RTL9: variants seen among roughly 807,000 people sequenced by gnomAD.
The protein encoded by RTL9 is retrotransposon Gag-like protein 9.
A neutral mutation model predicts 44.7 loss-of-function variants in RTL9; 19 were observed. The observed-to-expected ratio is 0.42, with a 90% confidence interval of 0.30 to 0.62. The LOEUF (loss-of-function observed/expected upper bound fraction) is 0.62, where lower values mean the gene tolerates loss of function less well. Among genes scored for constraint, RTL9 ranks in the 20% least tolerant of loss-of-function variants. The pLI is 0.16. For synonymous variants in RTL9, 407 were observed against 398.9 expected (o/e 1.02, Z -0.24); for missense variants, 1,105 against 1,080.6 (o/e 1.02, Z -0.32).
chrX:110,421,267 G>A (rs1000169722), intron 1 of RTL9, among the ~76,000 whole-genome samples: 8 of 112,688 alleles, frequency 7.1e-5, no homozygotes, highest in Non-Finnish European at 1.1e-4. Flanking sequence ...AGGCACAGCA[G>A]TCTGAAGGTG....
chrX:110,404,467 G>A (rs1175376979), intron 1 of RTL9, among the ~76,000 whole-genome samples: 1 of 111,917 alleles, frequency 8.9e-6, no homozygotes, highest in Non-Finnish European at 1.9e-5. Context: ...CAAACTCCAG[G>A]GGCATGAACA....
intron 1 of RTL9, among the ~76,000 whole-genome samples, chrX:110,432,248 C>A (rs1212954478): frequency 8.9e-6 from 1 of 112,350 alleles, no homozygotes; most frequent in Non-Finnish European, 1.9e-5. Context: ...AGCTCTCTTC[C>A]ATTTCATCTC....
chrX:110,451,901 A>G lies in RTL9; in HGVS notation c.1284A>G (p.Gln428=). ...CCTCTGGAAATATGTCTACATTGCA[A>G]AAGACAGTTCCAGCCTCTGGAGCCA... Residue 428 remains glutamine (Q), a synonymous_variant, in exon 1 of 2, where the codon CAA becomes CAG. Coordinates refer to ENST00000540313, the Ensembl canonical transcript of RTL9. 2.5e-6 allele frequency: 3 copies of G among 1,211,796 alleles called. No individual in the cohort carries two copies.
At chrX:110,418,773 C>A (rs148349527), upstream of RTL9, among the ~76,000 whole-genome samples, 1 of 111,708 alleles carries the variant, frequency 9.0e-6, no homozygotes, top group Admixed American at 9.5e-5. Flanking sequence ...CACTTATTCT[C>A]ATTTCCTGGC....
intron 1 of RTL9, among the ~76,000 whole-genome samples, chrX:110,409,646 G>GT (rs113947141): frequency 0.12 from 12,378 of 101,061 alleles, 1,922 homozygotes; most frequent in African/African-American, 0.41. Flanking sequence ...TGCTGCTGCT[G>GT]TTTTTTTTTT....
chrX:110,366,704 A>G (rs2068299510), intron 1 of RTL9, among the ~76,000 whole-genome samples: 1 of 111,398 alleles, frequency 9.0e-6, no homozygotes, highest in Admixed American at 9.5e-5. Context: ...CAGACATCCA[A>G]TCGTTGTTAA....
chrX:110,438,127 G>C (rs1183392894), intron 1 of RTL9, among the ~76,000 whole-genome samples: 1 of 111,044 alleles, frequency 9.0e-6, no homozygotes, highest in African/African-American at 3.3e-5. Context: ...CCTGTTCTGA[G>C]GCTCATGTTT....
At chrX:110,418,646 A>G (rs1392066580), upstream of RTL9, among the ~76,000 whole-genome samples, 1 of 111,636 alleles carries the variant, frequency 9.0e-6, no homozygotes, top group Non-Finnish European at 1.9e-5. Context: ...GTCTCCAACC[A>G]TGTCTTGACC....
chrX:110,450,755 A>G, exon 1 of RTL9: 2 of 1,211,830 alleles, frequency 1.7e-6, no homozygotes, highest in Non-Finnish European at 2.2e-6. Flanking sequence ...ATTCTCATGT[A>G]CAGTTGCCTA....
At position 110,420,149 on chromosome X, in the gene RTL9, C is replaced by A. The variant is rs6642436; in HGVS notation, c.-168+1014C>A. On this transcript the variant is annotated intron_variant, in intron 1 of 3. Coordinates refer to the RTL9 transcript ENST00000465301. ...TTACCCTACACCTCCCACGCCACCC[C>A]CAGGCACGATTCTACTACAGCACTG... Among the ~76,000 whole-genome samples, 6 of 111,695 alleles carry A rather than the reference C, an allele frequency of 5.4e-5. No individual in the cohort carries two copies. In the East Asian group the frequency reaches 1.7e-3, roughly 32 times the overall value.
chrX:110,367,465 C>A (rs183507233), intron 1 of RTL9, among the ~76,000 whole-genome samples: 51 of 111,323 alleles, frequency 4.6e-4, no homozygotes, highest in African/African-American at 1.6e-3. Flanking sequence ...CGCCCAACAG[C>A]GGCATTTGAC....
At chrX:110,434,016 G>A (rs1392322792) in intron 1 of RTL9, among the ~76,000 whole-genome samples, 1 of 111,474 alleles carries the variant, frequency 9.0e-6, no homozygotes, top group African/African-American at 3.3e-5. Context: ...GTAGAGGAAC[G>A]TATCTGGGGA....
chrX:110,433,894 C>T (rs1174993617), intron 1 of RTL9, among the ~76,000 whole-genome samples: 1 of 111,916 alleles, frequency 8.9e-6, no homozygotes, highest in Non-Finnish European at 1.9e-5. Context: ...CTTGTGGGTA[C>T]TGAGAATATA....
chrX:110,415,498 T>C (rs2068670881), upstream of RTL9, among the ~76,000 whole-genome samples: 1 of 111,245 alleles, frequency 9.0e-6, no homozygotes, highest in Admixed American at 9.6e-5. Context: ...ATTGTAGAAA[T>C]GGAATTTGGG....
intron 1 of RTL9, among the ~76,000 whole-genome samples, chrX:110,435,243 G>A (rs965871989): frequency 1.8e-5 from 2 of 111,433 alleles, no homozygotes; most frequent in Admixed American, 9.4e-5. Flanking sequence ...AGCAAGGACA[G>A]GACAGTCACT....
exon 1 of RTL9, chrX:110,453,824 G>A: frequency 8.3e-7 from 1 of 1,211,650 alleles, no homozygotes; most frequent in Non-Finnish European, 1.1e-6. Context: ...CTAGAGGGAT[G>A]TCCACACCAC....
chrX:110,417,159 C>A (rs750219584), upstream of RTL9, among the ~76,000 whole-genome samples: 2 of 112,218 alleles, frequency 1.8e-5, no homozygotes, highest in South Asian at 7.5e-4. Flanking sequence ...TCTATCCTTA[C>A]CCACTCTGAA....
At chrX:110,428,308 A>G (rs1429127199) in intron 1 of RTL9, among the ~76,000 whole-genome samples, 1 of 111,921 alleles carries the variant, frequency 8.9e-6, no homozygotes, top group African/African-American at 3.3e-5. Flanking sequence ...ACACAGGGCT[A>G]TCAGGCTGCC....
At chrX:110,450,528 T>C (rs2068932696), upstream of RTL9, 2 of 784,138 alleles carry the variant, frequency 2.6e-6, no homozygotes, top group African/African-American at 2.1e-5. Context: ...ATCTTCTTGA[T>C]ACTGGCTTTT....
Sources: gnomAD v4.1 joint callset for allele counts (sites outside exome capture counted in the v4.1 genomes callset) on GRCh38, gnomAD v4.1.1 for gene constraint, MANE v1.5 for transcripts, NCBI Gene and HGNC (gene_info 2026-07-23, HGNC 2026-07-21) for gene names.